MAPK6: variants seen among roughly 807,000 people sequenced by gnomAD.
The protein encoded by MAPK6 is mitogen-activated protein kinase 6, also known as ERK-3.
A neutral mutation model predicts 59.3 loss-of-function variants in MAPK6; 19 were observed. The ratio of observed to expected loss-of-function variants is 0.32; its 90% confidence interval spans 0.22 to 0.47. MAPK6 has a LOEUF of 0.47. MAPK6 is among the 20% of genes least tolerant of loss of function. The pLI, the probability that MAPK6 is intolerant of heterozygous loss-of-function variation, is 1.00. For synonymous variants in MAPK6, 316 were observed against 290.3 expected (o/e 1.09, Z -0.90); for missense variants, 724 against 847.9 (o/e 0.85, Z 1.81).
At chr15:52,033,435 A>T (rs956807433) in intron 1 of MAPK6, among the ~76,000 whole-genome samples, 1 of 152,082 alleles carries the variant, frequency 6.6e-6, no homozygotes, top group Non-Finnish European at 1.5e-5. Context: ...TTCATTTTTC[A>T]TCCGTCCTGG....
chr15:52,046,699 T>C lies in MAPK6; in HGVS notation c.239T>C (p.Val80Ala), dbSNP rs1485546571. 5.2e-5 allele frequency: 84 copies of C among 1,614,064 alleles called. No homozygotes were observed. The highest frequency in any genetic ancestry group is 6.9e-5 in the Non-Finnish European group (82 of 1,180,024). ...CTTGACCATGATAACATTGTGAAAG[T>C]GTTTGAGATTCTTGGTCCCAGTGGA... ...RRLDHDNIVK[V>A]FEILGPSGSQ... Residue 80 changes from valine to alanine, a missense_variant, in exon 2 of 6, where the codon GTG becomes GCG. Around this residue, in one of 4 missense-constraint regions of MAPK6, gnomAD observed 87 missense variants for 93.0 expected, o/e 0.93. Coordinates refer to ENST00000261845, the MANE Select transcript of MAPK6 (RefSeq NM_002748.4).
intron 3 of MAPK6, among the ~76,000 whole-genome samples, chr15:52,007,453 CTT>C (rs1249905938): frequency 2.6e-5 from 4 of 152,272 alleles, no homozygotes; most frequent in East Asian, 3.9e-4. Flanking sequence ...CTCTCTCTCT[CTT>C]GACTTGTTAC....
At chr15:52,016,070 G>GCGCGCGCGCACGCACACA, upstream of MAPK6, among the ~76,000 whole-genome samples, 4 of 55,390 alleles carry the variant, frequency 7.2e-5, no homozygotes, top group African/African-American at 2.8e-4. Flanking sequence ...GCGCGCGCGC[G>GCGCGCGCGCACGCACACA]CACACACACA....
chr15:52,003,522 A>G (rs2057248928), intron 2 of MAPK6, among the ~76,000 whole-genome samples: 2 of 152,254 alleles, frequency 1.3e-5, no homozygotes, highest in Admixed American at 6.5e-5. Context: ...TGCTGAGCAC[A>G]GTCCCCACAG....
At chr15:52,014,124 C>G (rs902775904) in intron 3 of MAPK6, among the ~76,000 whole-genome samples, 1 of 151,530 alleles carries the variant, frequency 6.6e-6, no homozygotes, top group South Asian at 2.1e-4. Context: ...CTCAAATACT[C>G]TCTCTCCCTG....
chr15:52,035,387 C>T (rs535812413), intron 1 of MAPK6, among the ~76,000 whole-genome samples: 7 of 152,270 alleles, frequency 4.6e-5, no homozygotes, highest in South Asian at 2.1e-4. Flanking sequence ...GTAATCCCAC[C>T]GCTTTGGGAG....
intron 1 of MAPK6, among the ~76,000 whole-genome samples, chr15:52,029,591 T>C (rs1566904541): frequency 6.6e-6 from 1 of 152,222 alleles, no homozygotes; most frequent in Non-Finnish European, 1.5e-5. Context: ...GTTGTCTAAA[T>C]ATACCTAACA....
chr15:51,998,708 T>TTTTTTTTTTTTTTTTTTTTGTTG, intron 2 of MAPK6, among the ~76,000 whole-genome samples: 1 of 122,492 alleles, frequency 8.2e-6, no homozygotes. Context: ...TTTTTTTTTT[T>TTTTTTTTTTTTTTTTTTTTGTTG]GAGACGGAGT....
chr15:51,995,407 A>G (rs1265228146), intron 2 of MAPK6, among the ~76,000 whole-genome samples: 1 of 152,172 alleles, frequency 6.6e-6, no homozygotes, highest in African/African-American at 2.4e-5. Flanking sequence ...ACAGTACTCC[A>G]AGTAGAAGGG....
intron 1 of MAPK6, among the ~76,000 whole-genome samples, chr15:52,037,274 C>A (rs777061192): frequency 6.6e-6 from 1 of 152,204 alleles, no homozygotes; most frequent in East Asian, 1.9e-4. Flanking sequence ...ATATGGTTCT[C>A]TCCATTTGAG....
intron 3 of MAPK6, among the ~76,000 whole-genome samples, chr15:52,056,268 C>G (rs1243199002): frequency 6.6e-6 from 1 of 152,236 alleles, no homozygotes; most frequent in African/African-American, 2.4e-5. Flanking sequence ...TGCTGTAGCA[C>G]TTCTATCTCT....
chr15:51,985,151 G>C lies in MAPK6; in HGVS notation c.-770+1836G>C, dbSNP rs975629666. Among the ~76,000 whole-genome samples the C allele has an allele frequency of 2.0e-5, 3 of 152,196 alleles. No homozygotes were observed. In the South Asian group the frequency reaches 6.2e-4, roughly 32 times the overall value. On this transcript the variant is annotated intron_variant, in intron 2 of 7. Coordinates refer to the MAPK6 transcript ENST00000691380. The stretch of plus-strand genomic sequence containing the variant: ...GAGCCCAGGAGTTGTAGACCACGCT[G>C]GGGAACATAGTGAGACCCAATCTCT...
chr15:51,983,520 GGAC>G (rs1474572850), intron 2 of MAPK6, among the ~76,000 whole-genome samples: 1 of 148,400 alleles, frequency 6.7e-6, no homozygotes, highest in African/African-American at 2.5e-5. Context: ...AAAAAAAACA[GGAC>G]AACAGGGCTG....
chr15:52,060,356 T>C (rs776483787), intron 4 of MAPK6, among the ~76,000 whole-genome samples: 17 of 152,172 alleles, frequency 1.1e-4, no homozygotes, highest in Non-Finnish European at 2.5e-4. Context: ...TGAGTGACCA[T>C]AGTGAAGAGG....
At chr15:51,997,087 C>G (rs1415780668) in intron 2 of MAPK6, among the ~76,000 whole-genome samples, 1 of 151,998 alleles carries the variant, frequency 6.6e-6, no homozygotes, top group East Asian at 1.9e-4. Context: ...TCAAGCAATT[C>G]TCCTGCCTCA....
At chr15:51,985,364 G>T (rs1451585774) in intron 2 of MAPK6, among the ~76,000 whole-genome samples, 1 of 151,614 alleles carries the variant, frequency 6.6e-6, no homozygotes, top group Non-Finnish European at 1.5e-5. Flanking sequence ...ATAAAATATT[G>T]TATATCATGG....
intron 1 of MAPK6, among the ~76,000 whole-genome samples, chr15:52,037,823 A>G (rs2031293237): frequency 6.6e-6 from 1 of 152,232 alleles, no homozygotes; most frequent in Non-Finnish European, 1.5e-5. Context: ...CACGTAGAAT[A>G]TGCTATTTAC....
intron 1 of MAPK6, among the ~76,000 whole-genome samples, chr15:51,975,085 C>T (rs1401972929): frequency 2.0e-5 from 3 of 151,732 alleles, no homozygotes; most frequent in Non-Finnish European, 4.4e-5. Flanking sequence ...TTCGTTCTTT[C>T]AGTTTTTGAA....
chr15:51,989,938 T>G (rs1181359003), intron 2 of MAPK6, among the ~76,000 whole-genome samples: 1 of 152,186 alleles, frequency 6.6e-6, no homozygotes, highest in African/African-American at 2.4e-5. Context: ...GAATAATTTG[T>G]CTAGCAATGT....
Sources: allele counts gnomAD v4.1 joint callset (sites outside exome capture counted in the v4.1 genomes callset), GRCh38; gene constraint gnomAD v4.1.1; regional missense constraint gnomAD v4.1.1; transcripts MANE v1.5; gene names NCBI Gene and HGNC (gene_info 2026-07-23, HGNC 2026-07-21).